Variants in SOX5 observed in about 807,000 individuals in gnomAD.
SOX5 encodes transcription factor SOX-5.
A neutral mutation model predicts 92.0 loss-of-function variants in SOX5; 9 were observed. The ratio of observed to expected loss-of-function variants is 0.10; its 90% confidence interval spans 0.06 to 0.17. The LOEUF is 0.17. SOX5 is among the 10% of genes least tolerant of loss of function. The pLI is 1.00. For synonymous variants in SOX5, 344 were observed against 336.3 expected, an observed-to-expected ratio of 1.02 and a Z score of -0.25; for missense variants, 642 against 944.5, an observed-to-expected ratio of 0.68 and a Z score of 4.20.
In SOX5 at chr12:24,257,998, C is replaced by A. The variant is rs866951205; in HGVS notation, c.-77+19218G>T. Reference sequence around the variant, plus strand: ...GACCATCCTGGCTAACATGGTGAAACCCCGTCTCTACTAAAATAAAAAAAA... The same window carrying A: ...GACCATCCTGGCTAACATGGTGAAAACCCGTCTCTACTAAAATAAAAAAAA... On this transcript the variant is annotated intron_variant, in intron 3 of 4. Coordinates refer to the SOX5 transcript ENST00000446891. Among the ~76,000 whole-genome samples, 224 of 152,070 alleles carry A rather than the reference C, an allele frequency of 1.5e-3. 2 individuals carry two copies. Among genetic ancestry groups the A allele is most frequent in the African/African-American group, 5.3e-3 (219 of 41,526 alleles).
intron 4 of SOX5, among the ~76,000 whole-genome samples, chr12:24,115,168 A>G (rs1372392527): frequency 1.3e-5 from 2 of 152,220 alleles, no homozygotes; most frequent in Non-Finnish European, 2.9e-5. Flanking sequence ...GAAGAACTCA[A>G]TACATAAGAC....
At chr12:23,995,695 C>A (rs1268094881) in intron 4 of SOX5, among the ~76,000 whole-genome samples, 1 of 152,114 alleles carries the variant, frequency 6.6e-6, no homozygotes, top group African/African-American at 2.4e-5. Context: ...AAGACTCTCT[C>A]AATTACAAAA....
intron 3 of SOX5, among the ~76,000 whole-genome samples, chr12:24,245,235 T>TG: frequency 6.9e-6 from 1 of 144,366 alleles, no homozygotes; most frequent in Admixed American, 6.9e-5. Context: ...TTGGAGAGAT[T>TG]TGTGTGTGTG....
At chr12:24,050,352 T>A (rs1422205804) in intron 4 of SOX5, among the ~76,000 whole-genome samples, 1 of 152,146 alleles carries the variant, frequency 6.6e-6, no homozygotes, top group East Asian at 1.9e-4. Flanking sequence ...ACTCAGAGGA[T>A]CATAAGCTTC....
chr12:23,810,639 T>C (rs1029795249), intron 3 of SOX5, among the ~76,000 whole-genome samples: 1 of 152,150 alleles, frequency 6.6e-6, no homozygotes, highest in Non-Finnish European at 1.5e-5. Flanking sequence ...ACAGAGGGGC[T>C]TCAGAGGAGA....
chr12:24,221,198 A>T (rs1960331866), intron 3 of SOX5, among the ~76,000 whole-genome samples: 1 of 152,200 alleles, frequency 6.6e-6, no homozygotes, highest in Admixed American at 6.5e-5. Flanking sequence ...AAATAAAGTA[A>T]TTGTTACTAA....
rs556792820 is a variant in SOX5, at chr12:24,505,012, G to GA, written c.-251+57316dup. Among the ~76,000 whole-genome samples, 269 of 152,330 alleles carry GA rather than the reference G, an allele frequency of 1.8e-3. 1 individual carries two copies. Among genetic ancestry groups the GA allele is most frequent in the African/African-American group, 6.1e-3 (254 of 41,580 alleles). On this transcript the variant is annotated intron_variant, in intron 1 of 4. Transcript: ENST00000446891. Reference sequence around the variant, plus strand: ...AAGAGGAAGCAACAACAGATAAAAAGAGACTAAAACACCAGATTCTTTCTG... The same window carrying GA: ...AAGAGGAAGCAACAACAGATAAAAAGAAGACTAAAACACCAGATTCTTTCTG...
intron 8 of SOX5, among the ~76,000 whole-genome samples, chr12:23,629,186 G>A (rs1216891799): frequency 6.6e-6 from 1 of 151,980 alleles, no homozygotes; most frequent in Admixed American, 6.6e-5. Context: ...TCAGCAAAAT[G>A]AAAGCAATTC....
chr12:24,305,905 A>G (rs775491783), intron 2 of SOX5, among the ~76,000 whole-genome samples: 1 of 152,124 alleles, frequency 6.6e-6, no homozygotes, highest in African/African-American at 2.4e-5. Context: ...CCGATGAAAG[A>G]TATTTTAAAG....
At chr12:23,759,010 AACACACACACACACACACAGACACAC>A (rs1009880994) in intron 3 of SOX5, among the ~76,000 whole-genome samples, 10 of 108,360 alleles carry the variant, frequency 9.2e-5, no homozygotes, top group Admixed American at 7.1e-4. Flanking sequence ...GGCAACACAA[AACACACACACACACACACAGACACAC>A]ACACACACAC....
chr12:24,121,563 CTAACT>C (rs1455523630), intron 4 of SOX5, among the ~76,000 whole-genome samples: 1 of 142,860 alleles, frequency 7.0e-6, no homozygotes, highest in Non-Finnish European at 1.5e-5. Context: ...TTACAAATGG[CTAACT>C]TTTTTTTTTT....
At chr12:24,254,442 C>T (rs956628303) in intron 3 of SOX5, among the ~76,000 whole-genome samples, 1 of 151,650 alleles carries the variant, frequency 6.6e-6, no homozygotes, top group Non-Finnish European at 1.5e-5. Context: ...AACACCATAG[C>T]TTAGCCTCAC....
intron 1 of SOX5, among the ~76,000 whole-genome samples, chr12:24,505,874 C>T (rs73291643): frequency 0.039 from 5,769 of 147,732 alleles, 170 homozygotes; most frequent in Admixed American, 0.097. Context: ...TGTGTGTGTG[C>T]GCATCACTGC....
intron 11 of SOX5, among the ~76,000 whole-genome samples, chr12:23,548,642 CA>C (rs1943607365): frequency 6.6e-6 from 1 of 151,772 alleles, no homozygotes; most frequent in Non-Finnish European, 1.5e-5. Context: ...AACGTTGCCA[CA>C]TTTTTTTTAA....
At chr12:24,390,188 T>C (rs1358346619) in intron 1 of SOX5, among the ~76,000 whole-genome samples, 1 of 152,288 alleles carries the variant, frequency 6.6e-6, no homozygotes, top group East Asian at 1.9e-4. Context: ...GACATTAAAT[T>C]GTCAAGGTCC....
chr12:23,546,708 C>T (rs1213782195), intron 11 of SOX5, among the ~76,000 whole-genome samples: 4 of 152,038 alleles, frequency 2.6e-5, no homozygotes, highest in African/African-American at 7.2e-5. Flanking sequence ...TCCCAAATTA[C>T]AAAATGTGCA....
intron 9 of SOX5, among the ~76,000 whole-genome samples, chr12:23,597,236 A>G (rs1436663771): frequency 6.6e-6 from 1 of 152,238 alleles, no homozygotes; most frequent in African/African-American, 2.4e-5. Context: ...GGTAAAATTC[A>G]AAGGACATTA....
intron 3 of SOX5, among the ~76,000 whole-genome samples, chr12:23,796,690 GT>G (rs780326027): frequency 6.6e-5 from 10 of 151,258 alleles, no homozygotes; most frequent in Non-Finnish European, 1.3e-4. Flanking sequence ...AAATTATAGG[GT>G]TTTACAATTC....
chr12:24,558,251 A>G (rs754944275), intron 1 of SOX5, among the ~76,000 whole-genome samples: 1 of 152,202 alleles, frequency 6.6e-6, no homozygotes, highest in African/African-American at 2.4e-5. Flanking sequence ...AGAAGGGCCC[A>G]TCAAAGCAAA....
Sources: gnomAD v4.1 joint callset for allele counts (sites outside exome capture counted in the v4.1 genomes callset) on GRCh38, gnomAD v4.1.1 for gene constraint, MANE v1.5 for transcripts, NCBI Gene and HGNC (gene_info 2026-07-23, HGNC 2026-07-21) for gene names.